Variants in VRK3 observed in about 807,000 individuals in gnomAD.
VRK3 encodes the protein VRK serine/threonine kinase 3.
In VRK3, 50 loss-of-function variants were observed where a neutral mutation model predicts 60.4. That is an observed-to-expected ratio of 0.83 (90% CI 0.66 to 1.05). The LOEUF is 1.05. Among genes scored for constraint, VRK3 ranks in the 50% least tolerant of loss-of-function variants. VRK3 has a pLI of 0.00. For missense variants in VRK3, 549 were observed against 585.3 expected, an observed-to-expected ratio of 0.94 and a Z score of 0.64; for synonymous variants, 246 against 227.8, an observed-to-expected ratio of 1.08 and a Z score of -0.72.
intron 2 of VRK3, among the ~76,000 whole-genome samples, chr19:50,018,784 C>T (rs1394980836): frequency 6.6e-6 from 1 of 150,436 alleles, no homozygotes; most frequent in Non-Finnish European, 1.5e-5. Flanking sequence ...CCAGGCAAAC[C>T]TGGGTGTTGA....
chr19:49,995,019 C>T, intron 8 of VRK3, 100 bp from the exon 9 acceptor site: 1 of 1,310,510 alleles, frequency 7.6e-7, no homozygotes, highest in Non-Finnish European at 1.1e-6. Context: ...AGGTCCTGGT[C>T]CCAGGTGAGA....
chr19:50,004,384 T>C (rs1296418597), intron 5 of VRK3, among the ~76,000 whole-genome samples: 1 of 151,806 alleles, frequency 6.6e-6, no homozygotes, highest in Non-Finnish European at 1.5e-5. Flanking sequence ...CGGCCCCTCA[T>C]TCCTTCTCAT....
At chr19:49,999,890 C>T (rs2076771131) in intron 6 of VRK3, 2 of 152,236 alleles carry the variant, frequency 1.3e-5, no homozygotes, top group African/African-American at 4.8e-5. Flanking sequence ...CTGAACCATG[C>T]AGAGAAGTGT....
intron 2 of VRK3, among the ~76,000 whole-genome samples, chr19:50,016,590 C>T (rs1156915517): frequency 6.6e-6 from 1 of 152,218 alleles, no homozygotes; most frequent in East Asian, 1.9e-4. Context: ...TCAACAAATA[C>T]ACTTCTGCTG....
chr19:50,004,647 C>T (rs1320836811), intron 5 of VRK3, among the ~76,000 whole-genome samples: 3 of 152,162 alleles, frequency 2.0e-5, no homozygotes, highest in African/African-American at 7.2e-5. Context: ...TGGGATCCTG[C>T]CTGTAATCCC....
chr19:49,999,701 T>A (rs1209907704), intron 6 of VRK3: 1 of 149,706 alleles, frequency 6.7e-6, no homozygotes, highest in African/African-American at 2.4e-5. Flanking sequence ...ACTGGGAGCC[T>A]CTCCAGGGCT....
intron 1 of VRK3, chr19:50,024,953 G>A (rs1377206343): frequency 2.0e-5 from 3 of 152,222 alleles, no homozygotes; most frequent in Admixed American, 1.3e-4. Flanking sequence ...CGACGACAGA[G>A]CCTCCCTTCG....
At chr19:49,988,239 C>T (rs984649967) in intron 12 of VRK3, 133 bp downstream of exon 12, 45 of 1,373,680 alleles carry the variant, frequency 3.3e-5, no homozygotes, top group Admixed American at 4.4e-5. Flanking sequence ...CATGCCTGTG[C>T]GGCTCAGAGG....
chr19:49,998,051 G>A (rs1568792184), intron 6 of VRK3: 2 of 152,538 alleles, frequency 1.3e-5, no homozygotes, highest in Non-Finnish European at 2.9e-5. Flanking sequence ...CGTTGAAAAT[G>A]TTGGTGCAAA....
At chr19:49,978,666 G>A (rs2076371510) in intron 14 of VRK3, 1 of 162,686 alleles carries the variant, frequency 6.1e-6, no homozygotes, top group Non-Finnish European at 1.4e-5. Context: ...TTTGTGTATG[G>A]GGGCGCCAAG....
At chr19:49,991,306 C>A (rs10407109) in intron 10 of VRK3, among the ~76,000 whole-genome samples, 7,960 of 152,128 alleles carry the variant, frequency 0.052, 684 homozygotes, top group African/African-American at 0.18. Flanking sequence ...TAACCAGAAG[C>A]TCCTCCTCCC....
In VRK3 at chr19:50,022,709, G is replaced by A. The variant is rs372157009; in HGVS notation, c.-64-2062C>T. On this transcript the variant is annotated intron_variant, in intron 1 of 14. Coordinates refer to ENST00000316763, the MANE Select transcript of VRK3 (RefSeq NM_016440.4). ...CTTGGGAGGCTGAGGCGCAAGAGTC[G>A]CTTGAACCTGGGAGGCAGAGGTTGC... Among the ~76,000 whole-genome samples the A allele has an allele frequency of 1.6e-4, 24 of 152,210 alleles. 1 individual carries two copies. The highest frequency in any genetic ancestry group is 5.1e-4 in the African/African-American group (21 of 41,532).
intron 1 of VRK3, among the ~76,000 whole-genome samples, chr19:50,023,747 G>A (rs991873818): frequency 6.6e-6 from 1 of 151,336 alleles, no homozygotes; most frequent in African/African-American, 2.5e-5. Context: ...GGTGGGGGGG[G>A]TCCCCAGCTG....
In VRK3 at chr19:50,007,593, C is replaced by T; in HGVS notation, c.523G>A (p.Asp175Asn). ...QWKLKSFQTR[D>N]NQGILYEAAP... Reference sequence around the variant, plus strand: ...CCTTCATAGAGAATGCCCTGGTTGTCCCTGGTCTGGAAGGACTTCAGCTTC... The same window carrying T: ...CCTTCATAGAGAATGCCCTGGTTGTTCCTGGTCTGGAAGGACTTCAGCTTC... The change falls in exon 5 of 15, where the codon GAC (aspartate) becomes AAC (asparagine). Residue 175 changes from aspartate (D) to asparagine (N), a missense_variant. Coordinates refer to ENST00000316763, the MANE Select transcript of VRK3 (RefSeq NM_016440.4). 1 of 1,614,212 alleles carries T rather than the reference C, an allele frequency of 6.2e-7. No homozygotes were observed. Among genetic ancestry groups the T allele is most frequent in the Non-Finnish European group, 8.5e-7 (1 of 1,180,046 alleles).
chr19:50,007,906 T>C (rs938018264), intron 4 of VRK3, 80 bp from the exon 5 acceptor site: 3 of 1,570,752 alleles, frequency 1.9e-6, no homozygotes, highest in African/African-American at 1.4e-5. Context: ...GCACGCAAAA[T>C]ACTGTTCCTT....
chr19:49,979,915 T>C (rs2076395002), intron 13 of VRK3, among the ~76,000 whole-genome samples: 1 of 150,980 alleles, frequency 6.6e-6, no homozygotes, highest in Admixed American at 6.6e-5. Context: ...CCACACATGG[T>C]GGCGGGTGCC....
intron 3 of VRK3, among the ~76,000 whole-genome samples, chr19:50,013,765 G>A (rs2077032400): frequency 6.6e-6 from 1 of 152,130 alleles, no homozygotes; most frequent in African/African-American, 2.4e-5. Context: ...AATCAACACA[G>A]GTTACAGAAA....
At chr19:50,019,135 G>C (rs1167706322) in intron 2 of VRK3, 1 of 144,436 alleles carries the variant, frequency 6.9e-6, no homozygotes, top group Non-Finnish European at 1.5e-5. Context: ...ACTGCAGTCC[G>C]GCCGGGGAGA....
intron 3 of VRK3, among the ~76,000 whole-genome samples, chr19:50,015,369 T>C (rs150658795): frequency 0.052 from 7,965 of 151,952 alleles, 684 homozygotes; most frequent in African/African-American, 0.18. Context: ...AGTGCAATGG[T>C]GCAATCTCGG....
Sources: gnomAD v4.1 joint callset for allele counts (sites outside exome capture counted in the v4.1 genomes callset) on GRCh38, gnomAD v4.1.1 for gene constraint, MANE v1.5 for transcripts, NCBI Gene and HGNC (gene_info 2026-07-23, HGNC 2026-07-21) for gene names.